C4orf50: variants seen among roughly 807,000 people sequenced by gnomAD.
C4orf50 encodes the protein uncharacterized protein C4orf50.
A neutral mutation model predicts 77.2 loss-of-function variants in C4orf50; 80 were observed. The observed-to-expected ratio is 1.04, with a 90% CI of 0.87 to 1.25. The LOEUF (loss-of-function observed/expected upper bound fraction) is 1.25, where lower values mean the gene tolerates loss of function less well. Ranked by LOEUF, C4orf50 falls within the 50% of genes most tolerant of loss-of-function variation. The pLI is 0.00. For missense variants in C4orf50, 1,257 were observed against 1,152.9 expected (o/e 1.09, Z -1.31); for synonymous variants, 532 against 465.3 (o/e 1.14, Z -1.84).
In C4orf50 at chr4:6,009,133, G is replaced by A. The variant is rs112508848; in HGVS notation, c.427-601C>T. Among the ~76,000 whole-genome samples the A allele has an allele frequency of 6.6e-6, 1 of 152,158 alleles. No individual in the cohort carries two copies. Among genetic ancestry groups the A allele is most frequent in the Non-Finnish European group, 1.5e-5 (1 of 68,032 alleles). On this transcript the variant is annotated intron_variant, in intron 24 of 33. Coordinates refer to ENST00000531445, the Ensembl canonical transcript of C4orf50. The surrounding 1 kb of genome is among the most constrained non-coding windows in gnomAD (Gnocchi z 5.6). ...ATATCACGCAGCTAAAATTCACTGCGGCCAGGATGCCAAGCGCCTTGTATC... is the reference window on the plus strand; with the variant it reads ...ATATCACGCAGCTAAAATTCACTGCAGCCAGGATGCCAAGCGCCTTGTATC...
chr4:5,984,659 A>G (rs939875954), intron 28 of C4orf50, among the ~76,000 whole-genome samples: 11 of 152,214 alleles, frequency 7.2e-5, no homozygotes, highest in African/African-American at 2.7e-4. Flanking sequence ...GGTCAATAGA[A>G]AATGCAAACA....
At chr4:5,944,908 G>A (rs916270922) in intron 7 of C4orf50, among the ~76,000 whole-genome samples, 2 of 152,206 alleles carry the variant, frequency 1.3e-5, no homozygotes. Context: ...CCAGCCTGCT[G>A]CCTGATTGAC....
intron 7 of C4orf50, among the ~76,000 whole-genome samples, chr4:5,946,000 G>C (rs1332435576): frequency 6.6e-6 from 1 of 152,208 alleles, no homozygotes. Flanking sequence ...AGGAGAGAAG[G>C]CTCTAGAACT....
At chr4:6,005,499 A>T (rs1456746944) in intron 25 of C4orf50, among the ~76,000 whole-genome samples, 1 of 152,194 alleles carries the variant, frequency 6.6e-6, no homozygotes, top group African/African-American at 2.4e-5. Flanking sequence ...TAGGCTCCTC[A>T]ATAACAAACT....
chr4:5,945,036 C>T (rs997465228), intron 7 of C4orf50, among the ~76,000 whole-genome samples: 1 of 152,222 alleles, frequency 6.6e-6, no homozygotes, highest in South Asian at 2.1e-4. Flanking sequence ...ACCAAGGCTC[C>T]ACGCCTGTCC....
At chr4:6,002,660 A>T (rs1159419684) in intron 25 of C4orf50, among the ~76,000 whole-genome samples, 2 of 152,078 alleles carry the variant, frequency 1.3e-5, no homozygotes, top group African/African-American at 4.8e-5. Flanking sequence ...TCCCCCCACC[A>T]GGTGGGCTCA....
At chr4:5,981,537 T>A (rs1222155914) in intron 28 of C4orf50, among the ~76,000 whole-genome samples, 1 of 151,658 alleles carries the variant, frequency 6.6e-6, no homozygotes, top group Admixed American at 6.6e-5. Flanking sequence ...CCCGAGTAGC[T>A]GGGATTGCAG....
chr4:6,006,618 C>T (rs1360037998), intron 25 of C4orf50, among the ~76,000 whole-genome samples: 2 of 152,224 alleles, frequency 1.3e-5, no homozygotes, highest in East Asian at 1.9e-4. Context: ...GCCGAGCACA[C>T]AGTAGGAATA....
intron 33 of C4orf50, among the ~76,000 whole-genome samples, chr4:5,963,124 G>T (rs1057338290): frequency 6.6e-6 from 1 of 150,436 alleles, no homozygotes; most frequent in East Asian, 2.0e-4. Context: ...TCAGCCTCCC[G>T]AGTAGCTGAG....
Position 6,015,067 on chromosome 4 carries a change from C to G in C4orf50, c.287+3078G>C, listed in dbSNP as rs1056536846. Among the ~76,000 whole-genome samples, 7 of 151,948 alleles carry G rather than the reference C, an allele frequency of 4.6e-5. No homozygotes were observed. The highest frequency in any genetic ancestry group is 8.8e-5 in the Non-Finnish European group (6 of 67,926). On this transcript the variant is annotated intron_variant, in intron 23 of 33. Transcript: ENST00000531445. This position sits in a 1 kb window ranked among gnomAD's most constrained non-coding sequence, Gnocchi z 4.4. The stretch of plus-strand genomic sequence containing the variant: ...TTTCTAGAAGATTTGAATGTACAAC[C>G]CTGTATGGGCCTACGCTGCTAGTCT...
chr4:6,001,497 G>A (rs917515378), intron 25 of C4orf50, among the ~76,000 whole-genome samples: 4 of 152,254 alleles, frequency 2.6e-5, no homozygotes, highest in Middle Eastern at 3.4e-3. Context: ...GACAATTACC[G>A]CTATTTCTCA....
intron 25 of C4orf50, among the ~76,000 whole-genome samples, chr4:5,996,030 C>T (rs546366023): frequency 6.6e-6 from 1 of 152,192 alleles, no homozygotes; most frequent in African/African-American, 2.4e-5. Context: ...CTTGGCTTCC[C>T]TCTGGCTACA....
At position 5,908,461 on chromosome 4, in the gene C4orf50, G is replaced by A. The variant is rs1341395950; in HGVS notation, c.*2475-10273C>T. On this transcript the variant is annotated intron_variant, in intron 7 of 7. Coordinates refer to the C4orf50 transcript ENST00000324058. The surrounding 1 kb of genome is among the most constrained non-coding windows in gnomAD (Gnocchi z 5.6). ...CACAGGAGGCATTCATATGTCCTGG[G>A]GAGTTGGCAGCGACTAGGCTACAGC... 6.6e-6 allele frequency among the ~76,000 whole-genome samples: 1 copy of A among 152,112 alleles called. No individual in the cohort carries two copies. The highest frequency in any genetic ancestry group is 2.4e-5 in the African/African-American group (1 of 41,422).
At chr4:5,977,441 A>G (rs1429259492) in intron 29 of C4orf50, among the ~76,000 whole-genome samples, 3 of 152,232 alleles carry the variant, frequency 2.0e-5, no homozygotes, top group Non-Finnish European at 4.4e-5. Flanking sequence ...TCATAATTAA[A>G]TAATATGCAA....
rs931940610 is a variant in C4orf50, at chr4:5,992,781, C to T, written c.1221+22G>A. 7 of 399,168 alleles carry T rather than the reference C, an allele frequency of 1.8e-5. No individual in the cohort carries two copies. The South Asian group carries it at 3.8e-4, about 22-fold the overall frequency. 24.7% of individuals were successfully genotyped at this position (399,168 alleles called of 1,614,324 possible). A position where few individuals can be genotyped will look rare whatever the true frequency, so the allele number is the denominator to read the frequency against. On this transcript the variant is annotated intron_variant, in intron 27 of 33. Coordinates refer to ENST00000531445, the Ensembl canonical transcript of C4orf50. The surrounding 1 kb of genome is among the most constrained non-coding windows in gnomAD (Gnocchi z 5.0). ...GGGAACCAGTGGCACTGCACACACA[C>T]GCAGAAAGCCTCTGGCCTCACCTGT... is the stretch of plus-strand genomic sequence containing the variant.
exon 28 of C4orf50, chr4:5,990,261 A>T: frequency 8.2e-7 from 1 of 1,222,282 alleles, no homozygotes; most frequent in Non-Finnish European, 1.0e-6. Flanking sequence ...CTGCAGCTCC[A>T]GCCCCATTCT....
intron 7 of C4orf50, among the ~76,000 whole-genome samples, chr4:5,944,439 A>T (rs953865401): frequency 6.6e-6 from 1 of 152,174 alleles, no homozygotes; most frequent in African/African-American, 2.4e-5. Context: ...ACTAGGTGAA[A>T]CTATGTGGAA....
intron 32 of C4orf50, among the ~76,000 whole-genome samples, chr4:5,966,039 C>T (rs1037409761): frequency 6.6e-6 from 1 of 152,224 alleles, no homozygotes; most frequent in African/African-American, 2.4e-5. Context: ...CCCATCCCGC[C>T]CCCACGCTGA....
At chr4:5,980,418 TCCCCACTCCGTA>T in intron 28 of C4orf50, 80 bp from the exon 7 acceptor site, 2 of 1,303,298 alleles carry the variant, frequency 1.5e-6, no homozygotes, top group Non-Finnish European at 1.0e-6. Context: ...GGTACCCGTT[TCCCCACTCCGTA>T]GTTTTTTTTT....
Sources: gnomAD v4.1 joint callset for allele counts (sites outside exome capture counted in the v4.1 genomes callset) on GRCh38, gnomAD v4.1.1 for gene constraint, Gnocchi (gnomAD v3.1) non-coding constraint, MANE v1.5 for transcripts, NCBI Gene and HGNC (gene_info 2026-07-23, HGNC 2026-07-21) for gene names.